The following JAZF1 variants were observed in gnomAD, a reference collection of about 807,000 sequenced individuals.
JAZF1 encodes the protein juxtaposed with another zinc finger protein 1.
JAZF1 carries 8 observed loss-of-function variants against 26.4 expected under a neutral mutation model. That is an observed-to-expected ratio of 0.30 (90% confidence interval 0.18 to 0.55). JAZF1 has a LOEUF of 0.55. Among genes scored for constraint, JAZF1 ranks in the 20% least tolerant of loss-of-function variants. JAZF1 has a pLI of 0.94. For missense variants in JAZF1, 199 were observed against 322.0 expected, an observed-to-expected ratio of 0.62 and a Z score of 2.92; for synonymous variants, 126 against 122.3, an observed-to-expected ratio of 1.03 and a Z score of -0.20.
intron 1 of JAZF1, among the ~76,000 whole-genome samples, chr7:28,151,658 C>G (rs1444482065): frequency 6.6e-6 from 1 of 151,492 alleles, no homozygotes; most frequent in African/African-American, 2.4e-5. Flanking sequence ...CAAAGTTAGC[C>G]GGGCATGATG....
chr7:27,908,543 T>C (rs1187010321), intron 2 of JAZF1, among the ~76,000 whole-genome samples: 1 of 152,174 alleles, frequency 6.6e-6, no homozygotes, highest in Non-Finnish European at 1.5e-5. Context: ...CGGTCACTGA[T>C]TTGGACTAAG....
At chr7:27,850,150 T>C (rs1260175484) in intron 3 of JAZF1, among the ~76,000 whole-genome samples, 2 of 152,362 alleles carry the variant, frequency 1.3e-5, no homozygotes, top group East Asian at 3.9e-4. Flanking sequence ...TATCAAATTC[T>C]GGCAAATACA....
intron 2 of JAZF1, among the ~76,000 whole-genome samples, chr7:27,944,437 T>G (rs1301352357): frequency 3.9e-5 from 6 of 152,256 alleles, no homozygotes; most frequent in African/African-American, 1.2e-4. Context: ...TTGACACATT[T>G]TACTGAAAAA....
In JAZF1 at chr7:28,180,776, G is replaced by T; in HGVS notation, c.-199C>A. The T allele has an allele frequency of 3.2e-6, 1 of 316,362 alleles. No homozygotes were observed. The allele number at this position is 316,362 out of a possible 1,614,324, so 19.6% of individuals were successfully genotyped here. On this transcript the variant is annotated 5_prime_UTR_variant, in exon 1 of 5. Coordinates refer to ENST00000283928, the MANE Select transcript of JAZF1 (RefSeq NM_175061.4). ...GAGCGAGGAGCCACCGGGAGGCAGA[G>T]GGGAGGCGGCGGCTGCGGCGGCGGC...
chr7:28,035,568 T>A (rs1204171666), intron 1 of JAZF1, among the ~76,000 whole-genome samples: 1 of 152,088 alleles, frequency 6.6e-6, no homozygotes, highest in Non-Finnish European at 1.5e-5. Flanking sequence ...TAGAGCCCTT[T>A]CTCCTAATGG....
At chr7:27,900,077 C>G (rs1335916533) in intron 2 of JAZF1, among the ~76,000 whole-genome samples, 1 of 152,096 alleles carries the variant, frequency 6.6e-6, no homozygotes, top group Non-Finnish European at 1.5e-5. Context: ...CAGGGGAGGT[C>G]TCTGGAATTG....
intron 1 of JAZF1, among the ~76,000 whole-genome samples, chr7:28,076,159 G>A (rs558827031): frequency 1.3e-5 from 2 of 152,284 alleles, no homozygotes; most frequent in South Asian, 2.1e-4. Flanking sequence ...GACAGCTTCC[G>A]CTCCCGGCTC....
chr7:27,957,371 G>C (rs1785114645), intron 2 of JAZF1, among the ~76,000 whole-genome samples: 1 of 152,224 alleles, frequency 6.6e-6, no homozygotes, highest in Middle Eastern at 3.2e-3. Context: ...AAGGGATGAT[G>C]TATGTTCAAG....
At chr7:27,863,372 C>T (rs1783415351) in intron 3 of JAZF1, among the ~76,000 whole-genome samples, 1 of 152,146 alleles carries the variant, frequency 6.6e-6, no homozygotes, top group African/African-American at 2.4e-5. Flanking sequence ...CCATGGTGCC[C>T]TCTCCTTGGA....
intron 3 of JAZF1, among the ~76,000 whole-genome samples, chr7:27,854,440 G>A (rs115844847): frequency 0.014 from 2,175 of 152,298 alleles, 45 homozygotes; most frequent in African/African-American, 0.046. Flanking sequence ...TTGCTTGTTA[G>A]TTGATGTAGC....
chr7:27,833,215 T>C (rs964453013), intron 4 of JAZF1: 1 of 294,684 alleles, frequency 3.4e-6, no homozygotes, highest in African/African-American at 2.2e-5. Flanking sequence ...ACTCTGAAAA[T>C]GAAAGTACTG....
chr7:27,885,587 T>C (rs540444878), intron 3 of JAZF1, among the ~76,000 whole-genome samples: 1 of 152,320 alleles, frequency 6.6e-6, no homozygotes, highest in Admixed American at 6.5e-5. Flanking sequence ...GGCTTGCAAA[T>C]ATTTTCACCT....
At chr7:28,116,547 C>A (rs1416855615) in intron 1 of JAZF1, among the ~76,000 whole-genome samples, 1 of 152,058 alleles carries the variant, frequency 6.6e-6, no homozygotes, top group Non-Finnish European at 1.5e-5. Flanking sequence ...CCGGTTCAAG[C>A]AATTCTCCTG....
chr7:28,175,861 G>C (rs1444884703), intron 1 of JAZF1, among the ~76,000 whole-genome samples: 1 of 152,114 alleles, frequency 6.6e-6, no homozygotes, highest in Non-Finnish European at 1.5e-5. Flanking sequence ...CCTAAAAGTG[G>C]GAGTAATAAG....
intron 1 of JAZF1, among the ~76,000 whole-genome samples, chr7:28,040,124 G>C (rs907478351): frequency 3.3e-5 from 5 of 152,148 alleles, no homozygotes; most frequent in Non-Finnish European, 7.4e-5. Context: ...CTTTACACAT[G>C]AAAGAAAAAC....
intron 3 of JAZF1, among the ~76,000 whole-genome samples, chr7:27,855,394 G>A (rs1050523897): frequency 2.6e-5 from 4 of 151,864 alleles, no homozygotes; most frequent in African/African-American, 7.3e-5. Flanking sequence ...AGGAGATAGA[G>A]ACACAAAAAA....
At chr7:28,107,554 C>T (rs1196913632) in intron 1 of JAZF1, among the ~76,000 whole-genome samples, 1 of 152,196 alleles carries the variant, frequency 6.6e-6, no homozygotes, top group Admixed American at 6.5e-5. Context: ...TTCAACTTCT[C>T]AAGCCAAAAA....
At chr7:28,078,952 C>T (rs1438957944) in intron 1 of JAZF1, among the ~76,000 whole-genome samples, 3 of 151,964 alleles carry the variant, frequency 2.0e-5, no homozygotes, top group Middle Eastern at 3.2e-3. Flanking sequence ...ATTGTTCCTC[C>T]TCCTTTCTTT....
chr7:28,005,224 A>C (rs1782678123), intron 1 of JAZF1, among the ~76,000 whole-genome samples: 1 of 152,200 alleles, frequency 6.6e-6, no homozygotes, highest in Non-Finnish European at 1.5e-5. Context: ...TCTGTGGTTC[A>C]GAATTTTCTG....
Sources: gnomAD v4.1 joint callset for allele counts (sites outside exome capture counted in the v4.1 genomes callset) on GRCh38, gnomAD v4.1.1 for gene constraint, MANE v1.5 for transcripts, NCBI Gene and HGNC (gene_info 2026-07-23, HGNC 2026-07-21) for gene names.